The following EGLN1 variants were observed in gnomAD, a reference collection of about 807,000 sequenced individuals.
The protein encoded by EGLN1 is egl-9 family hypoxia inducible factor 1, also known as egl nine homolog 1.
A neutral mutation model predicts 38.3 loss-of-function variants in EGLN1; 17 were observed. The ratio of observed to expected loss-of-function variants is 0.44; its 90% CI spans 0.30 to 0.67. The LOEUF (loss-of-function observed/expected upper bound fraction) is 0.67. Ranked by LOEUF, EGLN1 falls within the 30% of genes least tolerant of loss-of-function variation. The probability of loss-of-function intolerance (pLI) is 0.08; values close to 1 mark genes in which losing one functional copy is unlikely to be tolerated. For missense variants in EGLN1, 477 were observed against 603.3 expected (o/e 0.79, Z 2.19); for synonymous variants, 283 against 257.5 (o/e 1.10, Z -0.95).
At position 231,382,823 on chromosome 1, in the gene EGLN1, C is replaced by A. The variant is rs532452975; in HGVS notation, c.892-8724G>T. 1.6e-3 allele frequency among the ~76,000 whole-genome samples: 242 copies of A among 152,142 alleles called. 1 individual carries two copies. The highest frequency in any genetic ancestry group is 5.5e-3 in the African/African-American group (227 of 41,516). On this transcript the variant is annotated intron_variant, in intron 1 of 4. Transcript: ENST00000366641. ...CGGTAATCCCAGCACCTTGGGAGGC[C>A]GAGGCAGGTGGATCATCTGAGGTCA...
At position 231,422,003 on chromosome 1, in the gene EGLN1, A is replaced by G. The variant is rs946330661; in HGVS notation, c.-115T>C. 1.8e-6 allele frequency: 2 copies of G among 1,130,938 alleles called. No homozygotes were observed. The highest frequency in any genetic ancestry group is 4.4e-5 in the Admixed American group (1 of 22,972). 70.1% of individuals were successfully genotyped at this position (1,130,938 alleles called of 1,614,324 possible). A position where few individuals can be genotyped will look rare whatever the true frequency, so the allele number is the denominator to read the frequency against. The stretch of plus-strand genomic sequence containing the variant: ...GAGAGATAGGGGCCGTTACTGCGCC[A>G]TGCACCCGCTACCCTCGCCTCAGGG... On this transcript the variant is annotated 5_prime_UTR_variant, in exon 1 of 5. An upstream start codon of the reference 5' UTR is lost. Transcript: ENST00000366641.
At chr1:231,383,899 A>T (rs774143755) in intron 1 of EGLN1, among the ~76,000 whole-genome samples, 1 of 152,110 alleles carries the variant, frequency 6.6e-6, no homozygotes, top group Non-Finnish European at 1.5e-5. Context: ...TTCATAAGAG[A>T]TCCTGTACTT....
At chr1:231,372,469 C>T (rs1479427185) in intron 2 of EGLN1, among the ~76,000 whole-genome samples, 1 of 152,114 alleles carries the variant, frequency 6.6e-6, no homozygotes, top group African/African-American at 2.4e-5. Flanking sequence ...CTAGAAAAAG[C>T]CTAACAAAAT....
At chr1:231,403,801 C>G (rs892834565) in intron 1 of EGLN1, among the ~76,000 whole-genome samples, 1 of 137,668 alleles carries the variant, frequency 7.3e-6, no homozygotes, top group African/African-American at 2.7e-5. Flanking sequence ...AAGATTTTTA[C>G]AGTTAAAATA....
Position 231,421,841 on chromosome 1 carries a change from T to G in EGLN1, c.48A>C (p.Arg16=), listed in dbSNP as rs1413010757. 6.6e-7 allele frequency: 1 copy of G among 1,513,290 alleles called. No homozygotes were observed. Among genetic ancestry groups the G allele is most frequent in the Non-Finnish European group, 8.8e-7 (1 of 1,140,536 alleles). 93.7% of individuals were successfully genotyped at this position (1,513,290 alleles called of 1,614,324 possible). The part of the protein sequence containing the change: ...GGPGGPSPSE[R]DRQYCELCGK... Reference sequence around the variant, plus strand: ...CGCACAGCTCGCAGTACTGCCGGTCTCGCTCGCTCGGGCTCGGCCCGCCGG... The same window carrying G: ...CGCACAGCTCGCAGTACTGCCGGTCGCGCTCGCTCGGGCTCGGCCCGCCGG... Residue 16 remains arginine (R), a synonymous_variant, in exon 1 of 5, where the codon CGA becomes CGC. Coordinates refer to ENST00000366641, the MANE Select transcript of EGLN1 (RefSeq NM_022051.3). The surrounding 1 kb of genome is among the most constrained non-coding windows in gnomAD (Gnocchi z 5.5).
chr1:231,393,557 C>T (rs1205555488), intron 1 of EGLN1, among the ~76,000 whole-genome samples: 2 of 152,148 alleles, frequency 1.3e-5, no homozygotes, highest in Admixed American at 6.6e-5. Flanking sequence ...ATATAAACTG[C>T]TCAGTCTTCT....
chr1:231,404,652 T>C lies in EGLN1; in HGVS notation c.891+16346A>G, dbSNP rs1430561931. 3.3e-5 allele frequency among the ~76,000 whole-genome samples: 5 copies of C among 152,236 alleles called. No homozygotes were observed. The East Asian group carries it at 9.7e-4, about 29-fold the overall frequency. On this transcript the variant is annotated intron_variant, in intron 1 of 4. Coordinates refer to ENST00000366641, the MANE Select transcript of EGLN1 (RefSeq NM_022051.3). ...TTTTTAAAGAATAAACTCATTTGTG[T>C]GTGAGATTTGATCCAATCATTCTAG...
chr1:231,407,039 C>A (rs1341301657), intron 1 of EGLN1, among the ~76,000 whole-genome samples: 1 of 152,106 alleles, frequency 6.6e-6, no homozygotes, highest in African/African-American at 2.4e-5. Flanking sequence ...ACTTTCCTTA[C>A]CAACTCTGTA....
At chr1:231,379,080 G>T (rs971663490) in intron 1 of EGLN1, among the ~76,000 whole-genome samples, 5 of 152,144 alleles carry the variant, frequency 3.3e-5, no homozygotes, top group Non-Finnish European at 7.4e-5. Context: ...GAAAAAAATT[G>T]CCGAAGGTCA....
At chr1:231,399,731 T>C (rs1467528636) in intron 1 of EGLN1, among the ~76,000 whole-genome samples, 3 of 152,042 alleles carry the variant, frequency 2.0e-5, no homozygotes, top group South Asian at 2.1e-4. Context: ...GATAACTTGC[T>C]AGCATCATAC....
intron 1 of EGLN1, among the ~76,000 whole-genome samples, chr1:231,385,992 T>G (rs1688195260): frequency 6.6e-6 from 1 of 152,102 alleles, no homozygotes; most frequent in Non-Finnish European, 1.5e-5. Context: ...TTTAAATTTT[T>G]TATAGAGACA....
chr1:231,383,013 G>A (rs963653403), intron 1 of EGLN1, among the ~76,000 whole-genome samples: 11 of 125,384 alleles, frequency 8.8e-5, no homozygotes, highest in Non-Finnish European at 1.6e-4. Context: ...AGCCGACATC[G>A]CACCACTGCA....
chr1:231,391,108 G>T (rs1345141229), intron 1 of EGLN1, among the ~76,000 whole-genome samples: 9 of 149,994 alleles, frequency 6.0e-5, no homozygotes, highest in African/African-American at 2.2e-4. Flanking sequence ...GTGTGTGTGT[G>T]TGTGTGTGTG....
chr1:231,408,318 C>T (rs1017183638), intron 1 of EGLN1, among the ~76,000 whole-genome samples: 1 of 151,972 alleles, frequency 6.6e-6, no homozygotes, highest in Non-Finnish European at 1.5e-5. Context: ...AGAAGGGGAG[C>T]AGAAGCAGGA....
chr1:231,378,582 C>T (rs975982396), intron 1 of EGLN1, among the ~76,000 whole-genome samples: 1 of 152,128 alleles, frequency 6.6e-6, no homozygotes, highest in African/African-American at 2.4e-5. Flanking sequence ...AGGCGTGAGA[C>T]ACCGTGCCTG....
intron 2 of EGLN1, among the ~76,000 whole-genome samples, chr1:231,372,971 A>G (rs1049934544): frequency 6.6e-6 from 1 of 152,212 alleles, no homozygotes; most frequent in Non-Finnish European, 1.5e-5. Flanking sequence ...AATCCACTGA[A>G]CTATACAAGC....
intron 1 of EGLN1, among the ~76,000 whole-genome samples, chr1:231,390,498 G>C (rs1414411740): frequency 3.9e-5 from 6 of 152,194 alleles, no homozygotes; most frequent in Non-Finnish European, 1.5e-5. Context: ...ATGCGGCTTA[G>C]AATGGCTAAC....
chr1:231,421,514 C>T lies in EGLN1; in HGVS notation c.375G>A (p.Ser125=). ...KPPADPAAAA[S]PCRAAAGGQG... ...GGCCGCCGGCGGCCGCACGACACGGCGACGCGGCCGCCGCTGGGTCGGCCG... is the reference window on the plus strand; with the variant it reads ...GGCCGCCGGCGGCCGCACGACACGGTGACGCGGCCGCCGCTGGGTCGGCCG... Residue 125 remains serine (S), a synonymous_variant, in exon 1 of 5, where the codon TCG becomes TCA. Coordinates refer to ENST00000366641, the MANE Select transcript of EGLN1 (RefSeq NM_022051.3). This position sits in a 1 kb window ranked among gnomAD's most constrained non-coding sequence, Gnocchi z 5.5. 1.5e-6 allele frequency: 2 copies of T among 1,312,496 alleles called. No individual in the cohort carries two copies. Among genetic ancestry groups the T allele is most frequent in the Non-Finnish European group, 1.9e-6 (2 of 1,032,114 alleles). The allele number at this position is 1,312,496 out of a possible 1,614,324, so 81.3% of individuals were successfully genotyped here.
chr1:231,391,186 A>ACGACCGACGCGTGTGT (rs1553353128), intron 1 of EGLN1, among the ~76,000 whole-genome samples: 21 of 43,008 alleles, frequency 4.9e-4, no homozygotes, highest in East Asian at 1.5e-3. Flanking sequence ...CATGGGCTCA[A>ACGACCGACGCGTGTGT]GTGATCCTCC....
Sources: allele counts gnomAD v4.1 joint callset (sites outside exome capture counted in the v4.1 genomes callset), GRCh38; gene constraint gnomAD v4.1.1; non-coding constraint Gnocchi (gnomAD v3.1); transcripts MANE v1.5; gene names NCBI Gene and HGNC (gene_info 2026-07-23, HGNC 2026-07-21).